Variants in ARK2C observed in about 807,000 individuals in gnomAD.
The protein encoded by ARK2C is E3 ubiquitin-protein ligase ARK2C.
chr18:46,413,870 C>G, the ARK2C span, among the ~76,000 whole-genome samples: 1,282 of 152,232 alleles, frequency 8.4e-3, 16 homozygotes, highest in African/African-American at 0.029. Context: ...TCATGGGGAG[C>G]CTTGTTGTTA....
the ARK2C span, among the ~76,000 whole-genome samples, chr18:46,453,394 C>T: frequency 7.2e-5 from 11 of 152,260 alleles, no homozygotes; most frequent in East Asian, 2.1e-3. Context: ...AGGATGCACG[C>T]CTCACCTGCT....
chr18:46,349,877 G>A, the ARK2C span, among the ~76,000 whole-genome samples: 1 of 152,176 alleles, frequency 6.6e-6, no homozygotes, highest in Non-Finnish European at 1.5e-5. Context: ...CCTGACACAT[G>A]CCCATCCCTC....
the ARK2C span, chr18:46,435,229 T>TTGAGAACTAGTGGCCTGGGTAGCCCC: frequency 6.7e-7 from 1 of 1,491,220 alleles, no homozygotes; most frequent in Non-Finnish European, 9.4e-7. Flanking sequence ...CTCAGAGCTC[T>TTGAGAACTAGTGGCCTGGGTAGCCCC]TGAGAACTAG....
the ARK2C span, among the ~76,000 whole-genome samples, chr18:46,348,006 A>C: frequency 6.6e-6 from 1 of 152,188 alleles, no homozygotes; most frequent in Non-Finnish European, 1.5e-5. Context: ...ACTCTGTGCC[A>C]GGCACCCTCC....
At chr18:46,400,388 G>A in the ARK2C span, among the ~76,000 whole-genome samples, 1 of 152,156 alleles carries the variant, frequency 6.6e-6, no homozygotes, top group Non-Finnish European at 1.5e-5. Context: ...GCATAGATAT[G>A]GCTTTAAGAG....
At chr18:46,441,996 C>G in the ARK2C span, among the ~76,000 whole-genome samples, 1 of 150,666 alleles carries the variant, frequency 6.6e-6, no homozygotes, top group Admixed American at 6.6e-5. Context: ...AACCCCGTCT[C>G]TACTAAAAAT....
the ARK2C span, among the ~76,000 whole-genome samples, chr18:46,455,677 A>T: frequency 1.3e-5 from 2 of 152,230 alleles, no homozygotes; most frequent in South Asian, 4.1e-4. Context: ...TCTCTACAAA[A>T]ATACAAAAAT....
At chr18:46,417,396 C>G in the ARK2C span, among the ~76,000 whole-genome samples, 13 of 152,362 alleles carry the variant, frequency 8.5e-5, no homozygotes, top group African/African-American at 3.1e-4. Flanking sequence ...ATCACCTAAA[C>G]TCCTACCACT....
chr18:46,450,266 G>A, the ARK2C span: 1 of 1,445,418 alleles, frequency 6.9e-7, no homozygotes, highest in East Asian at 2.3e-5. Context: ...TTGAATCCTT[G>A]CTCTATCCAA....
the ARK2C span, among the ~76,000 whole-genome samples, chr18:46,449,330 C>T: frequency 1.3e-5 from 2 of 152,114 alleles, no homozygotes; most frequent in Admixed American, 1.3e-4. Context: ...ATATTTTGCT[C>T]AGCATGGAGG....
chr18:46,372,033 T>C, the ARK2C span, among the ~76,000 whole-genome samples: 39 of 152,298 alleles, frequency 2.6e-4, no homozygotes, highest in Admixed American at 1.5e-3. Flanking sequence ...TATCAGGAGA[T>C]GTCCTGAAGA....
At chr18:46,402,993 C>G in the ARK2C span, among the ~76,000 whole-genome samples, 1 of 152,222 alleles carries the variant, frequency 6.6e-6, no homozygotes, top group Non-Finnish European at 1.5e-5. Flanking sequence ...TGAGCCACGT[C>G]TGTGGCTCCT....
At chr18:46,362,490 A>G in the ARK2C span, among the ~76,000 whole-genome samples, 1 of 152,188 alleles carries the variant, frequency 6.6e-6, no homozygotes, top group African/African-American at 2.4e-5. Context: ...CAAGAATTTC[A>G]TCCTGGAAGC....
chr18:46,372,554 G>A, the ARK2C span, among the ~76,000 whole-genome samples: 1 of 152,232 alleles, frequency 6.6e-6, no homozygotes, highest in Non-Finnish European at 1.5e-5. Context: ...TTGGAGGCCT[G>A]GAAGGGAGTG....
the ARK2C span, among the ~76,000 whole-genome samples, chr18:46,376,319 T>A: frequency 6.6e-6 from 1 of 152,342 alleles, no homozygotes; most frequent in East Asian, 1.9e-4. Context: ...GCCCACTTAA[T>A]GGACAGGAAA....
At chr18:46,424,217 C>G in the ARK2C span, among the ~76,000 whole-genome samples, 3 of 152,280 alleles carry the variant, frequency 2.0e-5, no homozygotes, top group East Asian at 5.8e-4. Context: ...CAGGGTTGGA[C>G]AGGATGCAAT....
At chr18:46,395,979 T>C in the ARK2C span, among the ~76,000 whole-genome samples, 2 of 152,220 alleles carry the variant, frequency 1.3e-5, no homozygotes, top group Non-Finnish European at 2.9e-5. Context: ...CTCTGTCACA[T>C]GGCCTTGGCT....
At chr18:46,409,262 C>A in the ARK2C span, among the ~76,000 whole-genome samples, 1 of 152,104 alleles carries the variant, frequency 6.6e-6, no homozygotes, top group African/African-American at 2.4e-5. Context: ...ATATGAGATA[C>A]CTTTGCCAGG....
At chr18:46,389,536 G>A in the ARK2C span, among the ~76,000 whole-genome samples, 1 of 152,062 alleles carries the variant, frequency 6.6e-6, no homozygotes, top group Admixed American at 6.5e-5. Context: ...CTCCCACCCC[G>A]GTCTAGAGTT....
Sources: allele counts gnomAD v4.1 joint callset (sites outside exome capture counted in the v4.1 genomes callset), GRCh38; gene constraint gnomAD v4.1.1; transcripts MANE v1.5; gene names NCBI Gene and HGNC (gene_info 2026-07-23, HGNC 2026-07-21).